The following KAZN variants were observed in gnomAD, a reference collection of about 807,000 sequenced individuals.
KAZN encodes the protein kazrin.
In KAZN, 40 loss-of-function variants were observed where a neutral mutation model predicts 87.4. The observed-to-expected ratio is 0.46, with a 90% CI of 0.36 to 0.60. The LOEUF is 0.60. Ranked by LOEUF, KAZN falls within the 20% of genes least tolerant of loss-of-function variation. The probability of loss-of-function intolerance (pLI) is 0.00; values close to 1 mark genes in which losing one functional copy is unlikely to be tolerated. For synonymous variants in KAZN, 466 were observed against 458.3 expected, an observed-to-expected ratio of 1.02 and a Z score of -0.22; for missense variants, 898 against 1,073.9, an observed-to-expected ratio of 0.84 and a Z score of 2.29.
intron 1 of KAZN, among the ~76,000 whole-genome samples, chr1:14,122,938 T>C (rs1644783427): frequency 6.6e-6 from 1 of 152,228 alleles, no homozygotes; most frequent in African/African-American, 2.4e-5. Context: ...CATACTTGTT[T>C]TCCCTACTTT....
At chr1:14,051,775 G>A (rs1233346544) in intron 1 of KAZN, among the ~76,000 whole-genome samples, 1 of 152,092 alleles carries the variant, frequency 6.6e-6, no homozygotes, top group Admixed American at 6.5e-5. Flanking sequence ...GGGAGGCGGA[G>A]GTTGCAATGA....
At chr1:14,146,111 A>G (rs1645343029) in intron 1 of KAZN, among the ~76,000 whole-genome samples, 1 of 151,384 alleles carries the variant, frequency 6.6e-6, no homozygotes, top group African/African-American at 2.4e-5. Flanking sequence ...TCCCTGGGTC[A>G]CCTGAACAGT....
At chr1:14,027,502 C>T (rs1641131073) in intron 1 of KAZN, among the ~76,000 whole-genome samples, 1 of 152,132 alleles carries the variant, frequency 6.6e-6, no homozygotes, top group Non-Finnish European at 1.5e-5. Context: ...CGCCACCTCC[C>T]AACACCCATT....
rs1313921750 is a variant in KAZN, at chr1:14,841,423, A to G, written c.227-119261A>G. ...TCCGTCTCAAAAAAAAAAAAAAAAA[A>G]AAAAAAAAAAAAAAAAAAGAAATGG... On this transcript the variant is annotated intron_variant, in intron 1 of 14. Transcript: ENST00000376030. Among the ~76,000 whole-genome samples the G allele has an allele frequency of 1.5e-3, 31 of 21,038 alleles. 1 individual carries two copies. The highest frequency in any genetic ancestry group is 3.6e-3 in the African/African-American group (26 of 7,290). The allele number at this position is 21,038 out of a possible 152,430, so 13.8% of individuals were successfully genotyped here.
chr1:13,906,184 T>G (rs1305531969), intron 1 of KAZN, among the ~76,000 whole-genome samples: 1 of 152,228 alleles, frequency 6.6e-6, no homozygotes, highest in Non-Finnish European at 1.5e-5. Flanking sequence ...GATGTAAATG[T>G]CTTTTGCAGG....
intron 2 of KAZN, among the ~76,000 whole-genome samples, chr1:14,381,399 C>G (rs1450859247): frequency 6.6e-6 from 1 of 151,990 alleles, no homozygotes; most frequent in East Asian, 1.9e-4. Context: ...GCCAATATCA[C>G]TGATGAATAC....
intron 2 of KAZN, among the ~76,000 whole-genome samples, chr1:14,453,083 G>A (rs1229641567): frequency 6.6e-6 from 1 of 150,602 alleles, no homozygotes; most frequent in Non-Finnish European, 1.5e-5. Flanking sequence ...AGCCTCCCAA[G>A]TAGCTGGGAC....
At chr1:14,609,291 C>G (rs1350623718) in intron 1 of KAZN, among the ~76,000 whole-genome samples, 1 of 152,184 alleles carries the variant, frequency 6.6e-6, no homozygotes, top group African/African-American at 2.4e-5. Flanking sequence ...GGCAAACATG[C>G]TCAGAGTGCC....
At chr1:14,726,056 C>T (rs1462449449) in intron 1 of KAZN, among the ~76,000 whole-genome samples, 1 of 152,220 alleles carries the variant, frequency 6.6e-6, no homozygotes, top group Non-Finnish European at 1.5e-5. Flanking sequence ...TTTACACATT[C>T]AAGCCAGTCA....
chr1:14,606,268 T>C (rs1440753155), intron 1 of KAZN, among the ~76,000 whole-genome samples: 2 of 152,206 alleles, frequency 1.3e-5, no homozygotes, highest in Admixed American at 1.3e-4. Context: ...GCTTGTTGCA[T>C]TAGGGAGGTT....
At position 14,161,203 on chromosome 1, in the gene KAZN, T is replaced by G. The variant is rs144616914; in HGVS notation, c.92-19232T>G. On this transcript the variant is annotated intron_variant, in intron 1 of 16. Coordinates refer to the KAZN transcript ENST00000636203. ...AATCTTCACCATATTAGCTATCTAT[T>G]GCTGTATAAGAAATTACATCCAAAC... 5.9e-4 allele frequency among the ~76,000 whole-genome samples: 90 copies of G among 152,376 alleles called. 1 individual carries two copies. Among genetic ancestry groups the G allele is most frequent in the African/African-American group, 2.0e-3 (85 of 41,594 alleles).
At chr1:14,325,711 C>G (rs77192355) in intron 2 of KAZN, among the ~76,000 whole-genome samples, 3,003 of 152,262 alleles carry the variant, frequency 0.02, 43 homozygotes, top group Middle Eastern at 0.044. Context: ...ACTCAGCAAA[C>G]TTGACGTGGG....
At chr1:14,140,835 C>T (rs774090298) in intron 1 of KAZN, among the ~76,000 whole-genome samples, 37 of 152,100 alleles carry the variant, frequency 2.4e-4, no homozygotes, top group African/African-American at 8.0e-4. Flanking sequence ...GATGGGAGAT[C>T]GGCTGGGAAG....
chr1:14,696,529 C>T (rs1641612074), intron 1 of KAZN, among the ~76,000 whole-genome samples: 1 of 152,166 alleles, frequency 6.6e-6, no homozygotes, highest in African/African-American at 2.4e-5. Flanking sequence ...GGAAAGGAGT[C>T]AGGCAGGTGA....
intron 1 of KAZN, among the ~76,000 whole-genome samples, chr1:14,894,378 T>C (rs1182588122): frequency 6.6e-6 from 1 of 152,166 alleles, no homozygotes; most frequent in Non-Finnish European, 1.5e-5. Flanking sequence ...CCCAGAAAAA[T>C]TTCTGAATCA....
intron 1 of KAZN, among the ~76,000 whole-genome samples, chr1:14,821,331 T>G (rs1646731483): frequency 6.6e-6 from 1 of 151,976 alleles, no homozygotes; most frequent in African/African-American, 2.4e-5. Flanking sequence ...CTAGCCAACA[T>G]GGTGAAACCC....
chr1:14,809,132 G>A (rs1646323020), intron 1 of KAZN, among the ~76,000 whole-genome samples: 1 of 152,182 alleles, frequency 6.6e-6, no homozygotes, highest in African/African-American at 2.4e-5. Context: ...AAAAACCACT[G>A]GCAAGGAGGA....
chr1:13,969,326 G>A (rs1217449487), intron 1 of KAZN, among the ~76,000 whole-genome samples: 1 of 152,210 alleles, frequency 6.6e-6, no homozygotes, highest in Non-Finnish European at 1.5e-5. Flanking sequence ...CTAGAATAGT[G>A]TGGGCTCTTA....
intron 1 of KAZN, among the ~76,000 whole-genome samples, chr1:14,612,375 G>A (rs1677891659): frequency 6.6e-6 from 1 of 152,184 alleles, no homozygotes; most frequent in South Asian, 2.1e-4. Context: ...GAAGGGACAA[G>A]GAATCATTGG....
Sources: gnomAD v4.1 joint callset for allele counts (sites outside exome capture counted in the v4.1 genomes callset) on GRCh38, gnomAD v4.1.1 for gene constraint, MANE v1.5 for transcripts, NCBI Gene and HGNC (gene_info 2026-07-23, HGNC 2026-07-21) for gene names.